NGLY1: variants seen among roughly 807,000 people sequenced by gnomAD.
The protein encoded by NGLY1 is N-glycanase 1, also known as peptide-N(4)-(N-acetyl-beta-glucosaminyl)asparagine amidase.
In NGLY1, 68 loss-of-function variants were observed where a neutral mutation model predicts 84.6. The observed-to-expected ratio is 0.80, with a 90% CI of 0.66 to 0.98. The LOEUF (loss-of-function observed/expected upper bound fraction) is 0.98, where lower values mean the gene tolerates loss of function less well. Among genes scored for constraint, NGLY1 ranks in the 50% least tolerant of loss-of-function variants. NGLY1 has a pLI of 0.00. For synonymous variants in NGLY1, 280 were observed against 275.2 expected (o/e 1.02, Z -0.17); for missense variants, 779 against 770.2 (o/e 1.01, Z -0.14).
chr3:25,749,944 CAAAAAA>C (rs3080321), intron 4 of NGLY1: 3 of 480,918 alleles, frequency 6.2e-6, no homozygotes, highest in Non-Finnish European at 7.3e-6. Context: ...TAAAAACTGC[CAAAAAA>C]AAAAAAAAAA....
chr3:25,772,403 C>T (rs1188745465), intron 2 of NGLY1, among the ~76,000 whole-genome samples: 7 of 152,036 alleles, frequency 4.6e-5, no homozygotes, highest in African/African-American at 1.7e-4. Flanking sequence ...AATAATGCCC[C>T]CCTTTGTCTT....
At chr3:25,733,227 T>C (rs1705630902) in intron 8 of NGLY1, among the ~76,000 whole-genome samples, 1 of 152,202 alleles carries the variant, frequency 6.6e-6, no homozygotes, top group South Asian at 2.1e-4. Flanking sequence ...CCTGGAATCA[T>C]TATCACTGAT....
chr3:25,768,007 G>C (rs1272106866), intron 2 of NGLY1, among the ~76,000 whole-genome samples: 7 of 151,216 alleles, frequency 4.6e-5, no homozygotes, highest in Non-Finnish European at 1.0e-4. Flanking sequence ...CAGCTACTCG[G>C]GAGGCTGAGG....
At chr3:25,782,262 T>A (rs776311711) in intron 1 of NGLY1, among the ~76,000 whole-genome samples, 1 of 152,208 alleles carries the variant, frequency 6.6e-6, no homozygotes, top group South Asian at 2.1e-4. Flanking sequence ...ACCTATAACC[T>A]TGAAACTGAG....
intron 2 of NGLY1, among the ~76,000 whole-genome samples, chr3:25,775,036 G>A (rs1258700675): frequency 2.6e-5 from 4 of 152,196 alleles, no homozygotes; most frequent in Non-Finnish European, 5.9e-5. Flanking sequence ...CTCTAGGTAA[G>A]GTTAAACCCT....
chr3:25,756,408 G>C (rs2125527622), intron 3 of NGLY1, among the ~76,000 whole-genome samples: 1 of 152,232 alleles, frequency 6.6e-6, no homozygotes, highest in South Asian at 2.1e-4. Flanking sequence ...TGCATTTGCT[G>C]TTTTTCACTC....
At chr3:25,738,522 A>G (rs575071853) in intron 5 of NGLY1, among the ~76,000 whole-genome samples, 25 of 152,322 alleles carry the variant, frequency 1.6e-4, no homozygotes, top group Middle Eastern at 6.8e-3. Context: ...GAAAGGAAAC[A>G]GTGGCATAAA....
In NGLY1 at chr3:25,783,133, C is replaced by T. The variant is rs1256918881; in HGVS notation, c.131+127G>A. Reference sequence around the variant, plus strand: ...TCGGACGTTAGGAGCAGAACCAGCTCCAGGTCCCGGTCTGTCCGGGCGTCG... The same window carrying T: ...TCGGACGTTAGGAGCAGAACCAGCTTCAGGTCCCGGTCTGTCCGGGCGTCG... On this transcript the variant is annotated intron_variant, in intron 1 of 11. Coordinates refer to ENST00000280700, the MANE Select transcript of NGLY1 (RefSeq NM_018297.4). This position sits in a 1 kb window ranked among gnomAD's most constrained non-coding sequence, Gnocchi z 4.5. 6.9e-5 allele frequency: 60 copies of T among 865,334 alleles called. No individual in the cohort carries two copies. The highest frequency in any genetic ancestry group is 1.0e-4 in the Non-Finnish European group (60 of 571,902). The allele number at this position is 865,334 out of a possible 1,614,324, so 53.6% of individuals were successfully genotyped here.
At chr3:25,737,502 T>G (rs756266266) in intron 5 of NGLY1, 47 bp from the exon 6 acceptor site, 1 of 1,468,510 alleles carries the variant, frequency 6.8e-7, no homozygotes. Context: ...TCAAGATTTT[T>G]AAGAGAATTT....
chr3:25,726,839 C>G (rs80036147), intron 10 of NGLY1, among the ~76,000 whole-genome samples: 1 of 152,200 alleles, frequency 6.6e-6, no homozygotes, highest in Non-Finnish European at 1.5e-5. Flanking sequence ...TCCCAAAAAG[C>G]GTACTGGTCT....
At chr3:25,777,013 C>T (rs1029873399) in intron 2 of NGLY1, among the ~76,000 whole-genome samples, 1 of 152,172 alleles carries the variant, frequency 6.6e-6, no homozygotes, top group African/African-American at 2.4e-5. Context: ...AACCGGTCTC[C>T]CTGCTTCATC....
intron 2 of NGLY1, among the ~76,000 whole-genome samples, chr3:25,769,739 T>C (rs773296689): frequency 6.6e-6 from 1 of 152,182 alleles, no homozygotes; most frequent in Non-Finnish European, 1.5e-5. Context: ...GATCTTTAAT[T>C]TTTTAAAAAA....
At chr3:25,736,473 T>A in intron 6 of NGLY1, 1 of 1,199,484 alleles carries the variant, frequency 8.3e-7, no homozygotes, top group South Asian at 1.4e-5. Flanking sequence ...AAGGAGTTAA[T>A]GCCACTTTTG....
intron 2 of NGLY1, among the ~76,000 whole-genome samples, chr3:25,768,844 A>G (rs1349584277): frequency 6.6e-6 from 1 of 151,780 alleles, no homozygotes; most frequent in East Asian, 2.0e-4. Flanking sequence ...GCCTGGCCTC[A>G]TGAGTAAGAC....
intron 4 of NGLY1, among the ~76,000 whole-genome samples, chr3:25,741,852 T>A (rs1457141780): frequency 6.6e-6 from 1 of 151,308 alleles, no homozygotes; most frequent in Non-Finnish European, 1.5e-5. Context: ...AAAAAAAAAA[T>A]TAGCCGGGCG....
At chr3:25,733,816 T>C in intron 8 of NGLY1, 56 bp downstream of exon 8, 3 of 1,208,918 alleles carry the variant, frequency 2.5e-6, no homozygotes, top group Non-Finnish European at 3.6e-6. Flanking sequence ...AAACGGCTAT[T>C]CTCGATTACA....
chr3:25,737,489 A>C (rs752998809), intron 5 of NGLY1, 34 bp from the exon 6 acceptor site: 1 of 1,515,426 alleles, frequency 6.6e-7, no homozygotes, highest in Non-Finnish European at 9.0e-7. Flanking sequence ...TTAATTATCA[A>C]AATCAAGATT....
At chr3:25,764,022 CA>C in intron 3 of NGLY1, 43 bp downstream of exon 3, 1 of 1,600,696 alleles carries the variant, frequency 6.2e-7, no homozygotes, top group Non-Finnish European at 8.5e-7. Flanking sequence ...GCTGTTTCAA[CA>C]CTTTGAAAGA....
chr3:25,738,828 T>G (rs1164034969), intron 5 of NGLY1, among the ~76,000 whole-genome samples: 1 of 152,108 alleles, frequency 6.6e-6, no homozygotes, highest in East Asian at 1.9e-4. Context: ...AAATTAGATA[T>G]TTTTAAAACG....
Sources: allele counts gnomAD v4.1 joint callset (sites outside exome capture counted in the v4.1 genomes callset), GRCh38; gene constraint gnomAD v4.1.1; non-coding constraint Gnocchi (gnomAD v3.1); transcripts MANE v1.5; gene names NCBI Gene and HGNC (gene_info 2026-07-23, HGNC 2026-07-21).